DTNB: variants seen among roughly 807,000 people sequenced by gnomAD.
The protein encoded by DTNB is dystrobrevin beta.
DTNB carries 63 observed loss-of-function variants against 90.7 expected under a neutral mutation model. The observed-to-expected ratio is 0.69, with a 90% CI of 0.57 to 0.86. DTNB has a LOEUF of 0.86. Among genes scored for constraint, DTNB ranks in the 40% least tolerant of loss-of-function variants. DTNB has a pLI of 0.00. For synonymous variants in DTNB, 277 were observed against 286.7 expected (o/e 0.97, Z 0.34); for missense variants, 744 against 807.1 (o/e 0.92, Z 0.95).
intron 12 of DTNB, among the ~76,000 whole-genome samples, chr2:25,434,773 G>A (rs2149985161): frequency 6.6e-6 from 1 of 152,180 alleles, no homozygotes; most frequent in South Asian, 2.1e-4. Context: ...TAACATCTGA[G>A]GAACTCCCAA....
At chr2:25,527,839 A>G (rs1301715499) in intron 9 of DTNB, among the ~76,000 whole-genome samples, 1 of 152,106 alleles carries the variant, frequency 6.6e-6, no homozygotes, top group Non-Finnish European at 1.5e-5. Context: ...AAAGAAAATA[A>G]CCCTTCCAAA....
chr2:25,455,430 C>T lies in DTNB; in HGVS notation c.1144G>A (p.Val382Met), dbSNP rs1230449080. The change falls in exon 11 of 21, where the codon GTG becomes ATG. Residue 382 changes from valine (V) to methionine (M), a missense_variant. Coordinates refer to ENST00000406818, the MANE Select transcript of DTNB (RefSeq NM_021907.5). The part of the protein sequence containing the change: ...ADEHALIASY[V>M]ARLQHCARVL... ...CGTGCACAGTGCTGCAGACGGGCCA[C>T]ATAGGAGGCTATCAGCGCATGCTCA... 4 of 1,604,072 alleles carry T rather than the reference C, an allele frequency of 2.5e-6. No individual in the cohort carries two copies. Among genetic ancestry groups the T allele is most frequent in the Non-Finnish European group, 3.4e-6 (4 of 1,175,692 alleles).
intron 10 of DTNB, among the ~76,000 whole-genome samples, chr2:25,465,702 G>A (rs1172253824): frequency 6.6e-6 from 1 of 152,046 alleles, no homozygotes; most frequent in African/African-American, 2.4e-5. Flanking sequence ...TGAGATGCCG[G>A]CATGGCCCTC....
At chr2:25,472,126 C>G (rs1396489247) in intron 10 of DTNB, among the ~76,000 whole-genome samples, 1 of 152,172 alleles carries the variant, frequency 6.6e-6, no homozygotes, top group African/African-American at 2.4e-5. Flanking sequence ...TTGTTTTTGG[C>G]CCAAGCCTGG....
At chr2:25,627,723 C>G (rs2074555656) in intron 4 of DTNB, among the ~76,000 whole-genome samples, 1 of 151,098 alleles carries the variant, frequency 6.6e-6, no homozygotes, top group African/African-American at 2.4e-5. Flanking sequence ...GGGGCTTACA[C>G]CGAATAATTT....
At chr2:25,429,372 G>A (rs1356909294) in intron 14 of DTNB, among the ~76,000 whole-genome samples, 2 of 151,920 alleles carry the variant, frequency 1.3e-5, no homozygotes, top group East Asian at 3.9e-4. Context: ...CTACATTCCT[G>A]TCCTTAGTAC....
At chr2:25,628,081 G>A (rs1440787320) in intron 4 of DTNB, 90 bp downstream of exon 4, 16 of 1,408,256 alleles carry the variant, frequency 1.1e-5, no homozygotes, top group African/African-American at 4.3e-5. Context: ...AGCTTAGCAA[G>A]GCAACTTAGC....
At chr2:25,502,707 C>A (rs939273862) in intron 9 of DTNB, among the ~76,000 whole-genome samples, 5 of 151,642 alleles carry the variant, frequency 3.3e-5, no homozygotes, top group African/African-American at 1.2e-4. Flanking sequence ...CACGTTGAAA[C>A]CCTGTCTCTA....
chr2:25,385,326 C>A (rs1375331836), intron 18 of DTNB, among the ~76,000 whole-genome samples: 1 of 152,168 alleles, frequency 6.6e-6, no homozygotes, highest in African/African-American at 2.4e-5. Context: ...GAACAAAAAC[C>A]TGTCAAGTCA....
intron 9 of DTNB, among the ~76,000 whole-genome samples, chr2:25,490,099 GA>G (rs1251083270): frequency 6.6e-6 from 1 of 152,102 alleles, no homozygotes; most frequent in Non-Finnish European, 1.5e-5. Context: ...AACATGGCAA[GA>G]CCCCATCTCT....
intron 5 of DTNB, among the ~76,000 whole-genome samples, chr2:25,598,309 A>G (rs2065072457): frequency 6.6e-6 from 1 of 152,172 alleles, no homozygotes; most frequent in Admixed American, 6.5e-5. Context: ...CTAGAATGGT[A>G]GGGGAAAAAA....
intron 16 of DTNB, among the ~76,000 whole-genome samples, chr2:25,408,611 T>C (rs537991329): frequency 4.2e-5 from 6 of 143,256 alleles, no homozygotes; most frequent in Admixed American, 1.4e-4. Context: ...TTTTATAAAA[T>C]AGCCTTCTAC....
At chr2:25,478,587 AT>A (rs1473016265) in intron 10 of DTNB, among the ~76,000 whole-genome samples, 3 of 151,352 alleles carry the variant, frequency 2.0e-5, no homozygotes, top group Non-Finnish European at 4.4e-5. Flanking sequence ...TGCAGTGGCT[AT>A]TCACGGCATG....
chr2:25,377,260 C>T lies in DTNB; in HGVS notation c.*323G>A, dbSNP rs2036061489. ...ACAAGAGCTTGGTGCTTTTTCTTTTCTCTTTTCAACCTCCAGGTGAATTCC... is the reference window on the plus strand; with the variant it reads ...ACAAGAGCTTGGTGCTTTTTCTTTTTTCTTTTCAACCTCCAGGTGAATTCC... On this transcript the variant is annotated 3_prime_UTR_variant, in exon 21 of 21. Transcript: ENST00000406818. 6.5e-6 allele frequency: 1 copy of T among 152,936 alleles called. No individual in the cohort carries two copies. The highest frequency in any genetic ancestry group is 1.5e-5 in the Non-Finnish European group (1 of 68,146). The allele number at this position is 152,936 out of a possible 1,614,324, so 9.5% of individuals were successfully genotyped here.
chr2:25,527,219 C>T (rs1206598619), intron 9 of DTNB, among the ~76,000 whole-genome samples: 1 of 151,934 alleles, frequency 6.6e-6, no homozygotes, highest in Non-Finnish European at 1.5e-5. Context: ...GCTAACCATG[C>T]CTTTAAAGAA....
intron 15 of DTNB, among the ~76,000 whole-genome samples, chr2:25,425,402 T>C (rs1210372012): frequency 6.6e-6 from 1 of 152,222 alleles, no homozygotes; most frequent in Admixed American, 6.5e-5. Flanking sequence ...TCCAAGTTGC[T>C]AATGCCCACT....
chr2:25,471,136 T>C (rs892645450), intron 10 of DTNB, among the ~76,000 whole-genome samples: 5 of 152,148 alleles, frequency 3.3e-5, no homozygotes, highest in African/African-American at 4.8e-5. Context: ...AATAGTACTG[T>C]CCCATGAGGG....
intron 7 of DTNB, 52 bp from the exon 8 acceptor site, chr2:25,577,056 G>A (rs981160485): frequency 3.3e-5 from 48 of 1,469,684 alleles, no homozygotes; most frequent in Non-Finnish European, 4.2e-5. Flanking sequence ...GGAAGGGATA[G>A]AATAAAAGAA....
At chr2:25,598,795 T>A (rs1250432504) in intron 5 of DTNB, 2 of 151,970 alleles carry the variant, frequency 1.3e-5, no homozygotes, top group Non-Finnish European at 2.9e-5. Context: ...GCAGCCTGTA[T>A]CTCTTACCGG....
Sources: allele counts gnomAD v4.1 joint callset (sites outside exome capture counted in the v4.1 genomes callset), GRCh38; gene constraint gnomAD v4.1.1; transcripts MANE v1.5; gene names NCBI Gene and HGNC (gene_info 2026-07-23, HGNC 2026-07-21).